SRGAP3: variants seen among roughly 807,000 people sequenced by gnomAD.
SRGAP3 encodes SLIT-ROBO Rho GTPase activating protein 3, also known as SLIT-ROBO Rho GTPase-activating protein 3.
In SRGAP3, 39 loss-of-function variants were observed where a neutral mutation model predicts 121.1. The observed-to-expected ratio is 0.32, with a 90% CI of 0.25 to 0.42. SRGAP3 has a LOEUF of 0.42. SRGAP3 is among the 10% of genes least tolerant of loss of function. The pLI is 1.00. For missense variants in SRGAP3, 1,213 were observed against 1,470.6 expected (o/e 0.82, Z 2.86); for synonymous variants, 601 against 570.0 (o/e 1.05, Z -0.77).
chr3:9,021,583 G>C (rs2125057376), intron 14 of SRGAP3, among the ~76,000 whole-genome samples: 2 of 152,196 alleles, frequency 1.3e-5, no homozygotes, highest in South Asian at 4.1e-4. Context: ...GGAATAATAA[G>C]CCAGGAGTGG....
chr3:9,170,090 G>A (rs572960104), intron 1 of SRGAP3, among the ~76,000 whole-genome samples: 3 of 152,214 alleles, frequency 2.0e-5, no homozygotes, highest in Non-Finnish European at 2.9e-5. Context: ...ACCTGACACC[G>A]CCCCACAGGA....
At chr3:9,029,584 A>G (rs1944377959) in intron 12 of SRGAP3, among the ~76,000 whole-genome samples, 1 of 152,168 alleles carries the variant, frequency 6.6e-6, no homozygotes, top group Admixed American at 6.5e-5. Context: ...AAAACTTTTC[A>G]CAGGTGTGGT....
intron 1 of SRGAP3, among the ~76,000 whole-genome samples, chr3:9,238,920 A>G (rs550746719): frequency 1.3e-5 from 2 of 152,226 alleles, no homozygotes; most frequent in Non-Finnish European, 2.9e-5. Flanking sequence ...CAAAGACTCA[A>G]TAAGAAAGAG....
At chr3:9,231,185 A>G (rs1953196433) in intron 1 of SRGAP3, among the ~76,000 whole-genome samples, 1 of 152,240 alleles carries the variant, frequency 6.6e-6, no homozygotes, top group South Asian at 2.1e-4. Flanking sequence ...GCTTTTGTCC[A>G]AGGAGCTCAG....
At chr3:9,058,712 CTCTTTT>C (rs1945966298) in intron 6 of SRGAP3, 26 of 410,718 alleles carry the variant, frequency 6.3e-5, no homozygotes, top group African/African-American at 2.1e-4. Context: ...CTTTCTCTCT[CTCTTTT>C]TTTTTTTTTT....
chr3:9,269,314 G>A (rs1954429963), intron 3 of SRGAP3, among the ~76,000 whole-genome samples: 1 of 152,184 alleles, frequency 6.6e-6, no homozygotes, highest in South Asian at 2.1e-4. Flanking sequence ...AGTGGACACA[G>A]TGCTCCCCGG....
Position 9,304,364 on chromosome 3 carries a change from T to C in SRGAP3, n.442+21646A>G, listed in dbSNP as rs576488305. 5.9e-5 allele frequency among the ~76,000 whole-genome samples: 9 copies of C among 152,304 alleles called. No homozygotes were observed. The South Asian group carries it at 1.9e-3, about 32-fold the overall frequency. The stretch of plus-strand genomic sequence containing the variant: ...ATCCAGAGATTAGACTTTGGCTCCT[T>C]AGCACAGTCTCCTGCCATAATTCTC... On this transcript the variant is annotated intron_variant and non_coding_transcript_variant, in intron 3 of 3. Coordinates refer to the SRGAP3 transcript ENST00000490889.
At chr3:9,001,065 G>A (rs1942730463) in intron 18 of SRGAP3, among the ~76,000 whole-genome samples, 1 of 152,184 alleles carries the variant, frequency 6.6e-6, no homozygotes, top group African/African-American at 2.4e-5. Context: ...GCAGAATACT[G>A]CTTGTCAGAG....
At chr3:9,060,870 C>G (rs1001955629) in intron 5 of SRGAP3, among the ~76,000 whole-genome samples, 5 of 152,216 alleles carry the variant, frequency 3.3e-5, no homozygotes, top group Non-Finnish European at 7.3e-5. Context: ...TACACCTGCA[C>G]CTTGCACCTG....
intron 1 of SRGAP3, among the ~76,000 whole-genome samples, chr3:9,198,869 G>T (rs1951987963): frequency 6.6e-6 from 1 of 152,140 alleles, no homozygotes; most frequent in Non-Finnish European, 1.5e-5. Flanking sequence ...GGAGGAATCG[G>T]CCAGCACAGA....
chr3:9,172,090 TTTC>T (rs1355393415), intron 1 of SRGAP3, among the ~76,000 whole-genome samples: 4 of 103,914 alleles, frequency 3.8e-5, no homozygotes, highest in African/African-American at 5.6e-5. Flanking sequence ...GACTTTTTCT[TTTC>T]TTTTTTTTTT....
At chr3:9,050,896 C>T (rs1016080393) in intron 9 of SRGAP3, among the ~76,000 whole-genome samples, 50 of 151,636 alleles carry the variant, frequency 3.3e-4, no homozygotes, top group Admixed American at 3.0e-3. Context: ...TAGTGTGTAT[C>T]GACTACTGGT....
At chr3:9,321,806 G>T (rs536448497) in intron 3 of SRGAP3, among the ~76,000 whole-genome samples, 94 of 151,616 alleles carry the variant, frequency 6.2e-4, no homozygotes, top group Middle Eastern at 6.8e-3. Context: ...ACCCACTGGG[G>T]CCTATCAGAG....
At chr3:9,135,257 C>A (rs934545281) in intron 1 of SRGAP3, among the ~76,000 whole-genome samples, 7 of 152,340 alleles carry the variant, frequency 4.6e-5, no homozygotes, top group South Asian at 2.1e-4. Context: ...ATTATAACTT[C>A]TTTCTGTGGC....
At chr3:9,330,934 T>C (rs1007897438) in intron 1 of SRGAP3, among the ~76,000 whole-genome samples, 1 of 152,210 alleles carries the variant, frequency 6.6e-6, no homozygotes, top group Admixed American at 6.5e-5. Context: ...GGTTTTTGTC[T>C]GACTATTAAA....
At chr3:9,206,792 T>A (rs1444672286) in intron 1 of SRGAP3, among the ~76,000 whole-genome samples, 1 of 152,104 alleles carries the variant, frequency 6.6e-6, no homozygotes, top group Non-Finnish European at 1.5e-5. Flanking sequence ...GCACACCGCA[T>A]CCCCCTAGTC....
intron 1 of SRGAP3, among the ~76,000 whole-genome samples, chr3:9,200,813 C>T (rs542878212): frequency 3.9e-5 from 6 of 152,340 alleles, no homozygotes; most frequent in South Asian, 2.1e-4. Flanking sequence ...TATTGAATCC[C>T]GTGGTGGGGC....
At chr3:9,037,969 C>G (rs1370378618) in intron 11 of SRGAP3, 94 bp downstream of exon 11, 1 of 1,523,764 alleles carries the variant, frequency 6.6e-7, no homozygotes, top group Non-Finnish European at 9.1e-7. Flanking sequence ...AGAAGCCATC[C>G]CTGCTTCTCC....
At chr3:9,010,214 G>A in intron 18 of SRGAP3, 94 bp downstream of exon 18, 1 of 1,396,174 alleles carries the variant, frequency 7.2e-7, no homozygotes, top group Non-Finnish European at 1.0e-6. Context: ...AAGCTGAAGA[G>A]GTCTATGTGG....
Sources: gnomAD v4.1 joint callset for allele counts (sites outside exome capture counted in the v4.1 genomes callset) on GRCh38, gnomAD v4.1.1 for gene constraint, MANE v1.5 for transcripts, NCBI Gene and HGNC (gene_info 2026-07-23, HGNC 2026-07-21) for gene names.